Variants in SLC35F3 observed in about 807,000 individuals in gnomAD.
SLC35F3 encodes putative thiamine transporter SLC35F3.
Under a neutral mutation model 49.9 loss-of-function variants are expected in SLC35F3, and 25 were observed. That is an observed-to-expected ratio of 0.50 (90% confidence interval 0.37 to 0.70). SLC35F3 has a LOEUF of 0.70. Among genes scored for constraint, SLC35F3 ranks in the 30% least tolerant of loss-of-function variants. The pLI, the probability that SLC35F3 is intolerant of heterozygous loss-of-function variation, is 0.00. For synonymous variants in SLC35F3, 275 were observed against 265.4 expected (o/e 1.04, Z -0.35); for missense variants, 525 against 639.8 (o/e 0.82, Z 1.94).
At chr1:233,991,680 G>A (rs7515355) in intron 2 of SLC35F3, among the ~76,000 whole-genome samples, 41,901 of 151,786 alleles carry the variant, frequency 0.28, 5,973 homozygotes, top group East Asian at 0.49. Context: ...GCTAATTAGT[G>A]TCTCTTTTTT....
chr1:234,220,189 G>A (rs781750029), intron 2 of SLC35F3, among the ~76,000 whole-genome samples: 2 of 152,222 alleles, frequency 1.3e-5, no homozygotes, highest in South Asian at 2.1e-4. Context: ...TTCATCAGTC[G>A]CAATAAGTAT....
intron 2 of SLC35F3, among the ~76,000 whole-genome samples, chr1:233,991,588 G>C (rs1663356064): frequency 6.6e-6 from 1 of 152,152 alleles, no homozygotes; most frequent in African/African-American, 2.4e-5. Flanking sequence ...AACTTTGCCA[G>C]CTCATTGGGC....
At chr1:234,015,513 C>T (rs560024061) in intron 2 of SLC35F3, among the ~76,000 whole-genome samples, 1 of 152,212 alleles carries the variant, frequency 6.6e-6, no homozygotes, top group East Asian at 1.9e-4. Flanking sequence ...TATGCATTTT[C>T]AGTCAATTGA....
chr1:234,008,931 C>A (rs1177946332), intron 2 of SLC35F3, among the ~76,000 whole-genome samples: 8 of 152,166 alleles, frequency 5.3e-5, no homozygotes, highest in Non-Finnish European at 1.0e-4. Flanking sequence ...TCCTGGTGTT[C>A]CCTTTTCCTT....
chr1:234,152,476 T>C (rs1666091380), intron 2 of SLC35F3, among the ~76,000 whole-genome samples: 2 of 152,204 alleles, frequency 1.3e-5, no homozygotes, highest in Admixed American at 6.5e-5. Context: ...GAACATGCAG[T>C]GTTTGGTTTT....
chr1:234,097,061 G>A (rs1013662811), intron 2 of SLC35F3, among the ~76,000 whole-genome samples: 1 of 151,894 alleles, frequency 6.6e-6, no homozygotes, highest in African/African-American at 2.4e-5. Context: ...GGCTAATTTT[G>A]CATTTTTAGT....
chr1:234,052,548 C>T (rs868285391), intron 2 of SLC35F3, among the ~76,000 whole-genome samples: 1 of 152,006 alleles, frequency 6.6e-6, no homozygotes, highest in Admixed American at 6.6e-5. Context: ...ATTAGTCTTA[C>T]TAGCGTTCTT....
chr1:234,219,907 C>T (rs968121986), intron 2 of SLC35F3, among the ~76,000 whole-genome samples: 3 of 152,202 alleles, frequency 2.0e-5, no homozygotes, highest in Non-Finnish European at 2.9e-5. Context: ...CATTTCCTGA[C>T]AGAGGGAGCC....
chr1:234,017,995 A>T (rs1352370477), intron 2 of SLC35F3, among the ~76,000 whole-genome samples: 1 of 151,964 alleles, frequency 6.6e-6, no homozygotes, highest in Non-Finnish European at 1.5e-5. Context: ...TGAAAAAAAA[A>T]ACTCCACAAA....
In SLC35F3 at chr1:234,281,757, G is replaced by A. The variant is rs369725681; in HGVS notation, c.609-27344G>A. 5.3e-5 allele frequency among the ~76,000 whole-genome samples: 8 copies of A among 152,098 alleles called. No individual in the cohort carries two copies. The East Asian group carries it at 5.8e-4, about 11-fold the overall frequency. ...TGACCTTCAAATGGCTCCACCTTTCGCTTGGAAAGAGATGCCCTGTGCTGC... is the reference window on the plus strand; with the variant it reads ...TGACCTTCAAATGGCTCCACCTTTCACTTGGAAAGAGATGCCCTGTGCTGC... On this transcript the variant is annotated intron_variant, in intron 3 of 7. Transcript: ENST00000366618.
chr1:233,965,197 A>G (rs1006845082), intron 2 of SLC35F3, among the ~76,000 whole-genome samples: 4 of 152,222 alleles, frequency 2.6e-5, no homozygotes, highest in Non-Finnish European at 4.4e-5. Context: ...AGGGACATTA[A>G]ATGGTTTTTC....
intron 3 of SLC35F3, among the ~76,000 whole-genome samples, chr1:234,256,836 A>G (rs2102966273): frequency 6.6e-6 from 1 of 152,322 alleles, no homozygotes; most frequent in South Asian, 2.1e-4. Flanking sequence ...ATCCAGCATA[A>G]ATCCCTGTCT....
chr1:234,221,037 C>T (rs571005409), intron 2 of SLC35F3, among the ~76,000 whole-genome samples: 3 of 152,148 alleles, frequency 2.0e-5, no homozygotes, highest in African/African-American at 4.8e-5. Flanking sequence ...GAAGTTTGAC[C>T]GGCCAGACCA....
intron 2 of SLC35F3, among the ~76,000 whole-genome samples, chr1:234,117,912 A>ATG (rs370186911): frequency 7.0e-5 from 8 of 113,934 alleles, no homozygotes; most frequent in Admixed American, 1.1e-4. Context: ...AAGACTATAT[A>ATG]TGTGTGTGTG....
At chr1:234,311,788 G>C (rs1366634481) in intron 4 of SLC35F3, among the ~76,000 whole-genome samples, 4 of 152,194 alleles carry the variant, frequency 2.6e-5, no homozygotes, top group Admixed American at 2.6e-4. Context: ...TGGTTCTCCA[G>C]GTCAGGGTTC....
chr1:233,938,752 A>G (rs1034233855), intron 2 of SLC35F3, among the ~76,000 whole-genome samples: 1 of 151,926 alleles, frequency 6.6e-6, no homozygotes, highest in African/African-American at 2.4e-5. Context: ...ATGGATGGAA[A>G]GATGGGTGGA....
chr1:234,231,770 C>G lies in SLC35F3; in HGVS notation c.608+29C>G. ...GGCGCGTCCTGCATGAGGAGGCCTC[C>G]TGACCCCGGGCTGCTCCATCCAGCG... On this transcript the variant is annotated intron_variant, in intron 3 of 7. Transcript: ENST00000366618. This position sits in a 1 kb window ranked among gnomAD's most constrained non-coding sequence, Gnocchi z 5.4. 6.4e-7 allele frequency: 1 copy of G among 1,569,514 alleles called. No homozygotes were observed.
chr1:234,148,710 G>A (rs1319801916), intron 2 of SLC35F3, among the ~76,000 whole-genome samples: 2 of 152,298 alleles, frequency 1.3e-5, no homozygotes, highest in Admixed American at 1.3e-4. Context: ...AACGAAAGCA[G>A]GGAGACCAGT....
At chr1:234,136,122 G>A (rs10910360) in intron 2 of SLC35F3, among the ~76,000 whole-genome samples, 54,990 of 151,878 alleles carry the variant, frequency 0.36, 12,689 homozygotes, top group Non-Finnish European at 0.52. Flanking sequence ...AGCCTTCCCT[G>A]AAACCCAAGT....
Sources: gnomAD v4.1 joint callset for allele counts (sites outside exome capture counted in the v4.1 genomes callset) on GRCh38, gnomAD v4.1.1 for gene constraint, Gnocchi (gnomAD v3.1) non-coding constraint, MANE v1.5 for transcripts, NCBI Gene and HGNC (gene_info 2026-07-23, HGNC 2026-07-21) for gene names.